PALLD: variants seen among roughly 807,000 people sequenced by gnomAD.
PALLD encodes the protein palladin, cytoskeletal associated protein.
A neutral mutation model predicts 123.5 loss-of-function variants in PALLD; 61 were observed. That is an observed-to-expected ratio of 0.49 (90% CI 0.40 to 0.61). PALLD has a LOEUF of 0.61. Among genes scored for constraint, PALLD ranks in the 20% least tolerant of loss-of-function variants. The pLI is 0.00. For synonymous variants in PALLD, 465 were observed against 496.4 expected, an observed-to-expected ratio of 0.94 and a Z score of 0.84; for missense variants, 1,273 against 1,377.0, an observed-to-expected ratio of 0.92 and a Z score of 1.20.
At chr4:168,545,287 G>A (rs1443520922) in intron 2 of PALLD, among the ~76,000 whole-genome samples, 1 of 152,104 alleles carries the variant, frequency 6.6e-6, no homozygotes, top group Non-Finnish European at 1.5e-5. Context: ...AGCACTTTGG[G>A]AGGGTGAGGC....
intron 2 of PALLD, among the ~76,000 whole-genome samples, chr4:168,600,028 C>CATAT (rs879383856): frequency 8.0e-6 from 1 of 124,656 alleles, no homozygotes; most frequent in African/African-American, 3.1e-5. Context: ...TGTGTACACA[C>CATAT]ACATACATAC....
At chr4:168,863,349 C>T (rs899507007) in intron 10 of PALLD, among the ~76,000 whole-genome samples, 3 of 152,160 alleles carry the variant, frequency 2.0e-5, no homozygotes, top group African/African-American at 7.2e-5. Context: ...TGAACAGCTC[C>T]GCGCAGATCT....
chr4:168,682,912 C>G (rs901640534), intron 4 of PALLD, 86 bp from the exon 5 acceptor site: 1 of 762,758 alleles, frequency 1.3e-6, no homozygotes, highest in African/African-American at 1.8e-5. Flanking sequence ...TGAAACGTTT[C>G]AAGGAATTAT....
intron 2 of PALLD, among the ~76,000 whole-genome samples, chr4:168,660,880 C>T (rs1162756092): frequency 6.6e-6 from 1 of 151,792 alleles, no homozygotes; most frequent in Admixed American, 6.6e-5. Context: ...TGAAGCAGTA[C>T]AAGTTTCTTT....
chr4:168,805,918 T>C (rs989036452), intron 10 of PALLD, among the ~76,000 whole-genome samples: 1 of 152,200 alleles, frequency 6.6e-6, no homozygotes, highest in African/African-American at 2.4e-5. Context: ...AGTCCTTTGA[T>C]GATGCGGTTT....
intron 10 of PALLD, among the ~76,000 whole-genome samples, chr4:168,812,563 G>A (rs751496878): frequency 1.3e-4 from 20 of 152,182 alleles, no homozygotes; most frequent in Non-Finnish European, 1.3e-4. Flanking sequence ...GCGAGAATGC[G>A]TTTCCAGCAC....
At chr4:168,707,357 G>A (rs1281024095) in intron 8 of PALLD, among the ~76,000 whole-genome samples, 3 of 152,158 alleles carry the variant, frequency 2.0e-5, no homozygotes, top group Non-Finnish European at 4.4e-5. Context: ...TGCCAGGCTA[G>A]GCTGACCACA....
At chr4:168,522,276 G>A (rs1763635955) in intron 2 of PALLD, among the ~76,000 whole-genome samples, 1 of 152,308 alleles carries the variant, frequency 6.6e-6, no homozygotes, top group South Asian at 2.1e-4. Flanking sequence ...AGTAACAAAT[G>A]CAGGCTTTTC....
At chr4:168,771,281 A>T (rs962125894) in intron 10 of PALLD, among the ~76,000 whole-genome samples, 6 of 152,204 alleles carry the variant, frequency 3.9e-5, no homozygotes, top group African/African-American at 1.4e-4. Context: ...CCTACTGCAG[A>T]GTTATGCAAG....
chr4:168,550,166 T>C (rs1461961520), intron 2 of PALLD, among the ~76,000 whole-genome samples: 2 of 152,162 alleles, frequency 1.3e-5, no homozygotes, highest in East Asian at 3.8e-4. Flanking sequence ...CCTGGGATTG[T>C]GGAGGGATTG....
chr4:168,597,324 G>A (rs1440223413), intron 2 of PALLD, among the ~76,000 whole-genome samples: 2 of 152,060 alleles, frequency 1.3e-5, no homozygotes, highest in Non-Finnish European at 2.9e-5. Context: ...TTCAGGGATG[G>A]ATCCACATTT....
intron 2 of PALLD, among the ~76,000 whole-genome samples, chr4:168,638,827 G>A (rs76770045): frequency 1.3e-5 from 2 of 152,116 alleles, no homozygotes; most frequent in East Asian, 3.9e-4. Flanking sequence ...ATTTGGGAGG[G>A]GGGGCGGGCC....
chr4:168,577,138 T>C (rs895811318), intron 2 of PALLD, among the ~76,000 whole-genome samples: 5 of 152,126 alleles, frequency 3.3e-5, no homozygotes, highest in Admixed American at 6.6e-5. Context: ...AGGAAAATGA[T>C]GTACAGAAAA....
intron 10 of PALLD, among the ~76,000 whole-genome samples, chr4:168,855,431 T>C (rs1332908533): frequency 1.3e-5 from 2 of 152,232 alleles, no homozygotes; most frequent in East Asian, 1.9e-4. Context: ...GTGATTAACA[T>C]GTAAGTGGTA....
At chr4:168,563,161 G>T (rs1768031840) in intron 2 of PALLD, among the ~76,000 whole-genome samples, 1 of 152,124 alleles carries the variant, frequency 6.6e-6, no homozygotes, top group South Asian at 2.1e-4. Flanking sequence ...GGTTTCACAG[G>T]CAGGTGGTTG....
intron 2 of PALLD, among the ~76,000 whole-genome samples, chr4:168,587,046 G>A (rs1413457564): frequency 6.6e-6 from 1 of 152,098 alleles, no homozygotes; most frequent in Non-Finnish European, 1.5e-5. Context: ...CTGGGAGAGG[G>A]GTGTACTAGA....
At chr4:168,682,218 T>A (rs988868279) in intron 4 of PALLD, among the ~76,000 whole-genome samples, 7 of 152,194 alleles carry the variant, frequency 4.6e-5, no homozygotes, top group African/African-American at 1.4e-4. Flanking sequence ...TACCAGAAAT[T>A]CCTATTATGG....
At chr4:168,598,511 G>T in intron 2 of PALLD, 1 of 467,142 alleles carries the variant, frequency 2.1e-6, no homozygotes, top group Admixed American at 2.6e-5. Context: ...AGCAGAGAGA[G>T]GTAATTGCAA....
At chr4:168,740,126 CTT>C (rs1161259408) in intron 10 of PALLD, among the ~76,000 whole-genome samples, 4 of 151,658 alleles carry the variant, frequency 2.6e-5, no homozygotes, top group African/African-American at 9.7e-5. Flanking sequence ...AAAAAAAAAA[CTT>C]GTAAATTTTG....
Sources: gnomAD v4.1 joint callset for allele counts (sites outside exome capture counted in the v4.1 genomes callset) on GRCh38, gnomAD v4.1.1 for gene constraint, MANE v1.5 for transcripts, NCBI Gene and HGNC (gene_info 2026-07-23, HGNC 2026-07-21) for gene names.